The following IGF2BP3 variants were observed in gnomAD, a reference collection of about 807,000 sequenced individuals.
IGF2BP3 encodes the protein insulin like growth factor 2 mRNA binding protein 3.
In IGF2BP3, 9 loss-of-function variants were observed where a neutral mutation model predicts 73.8. The ratio of observed to expected loss-of-function variants is 0.12; its 90% CI spans 0.07 to 0.21. IGF2BP3 has a LOEUF of 0.21. Ranked by LOEUF, IGF2BP3 falls within the 10% of genes least tolerant of loss-of-function variation. The pLI is 1.00. For missense variants in IGF2BP3, 542 were observed against 714.0 expected (o/e 0.76, Z 2.75); for synonymous variants, 258 against 256.7 (o/e 1.01, Z -0.05).
chr7:23,411,905 G>A lies in IGF2BP3; in HGVS notation c.285+6871C>T, dbSNP rs945564399. On this transcript the variant is annotated intron_variant, in intron 3 of 14. Coordinates refer to ENST00000258729, the MANE Select transcript of IGF2BP3 (RefSeq NM_006547.3). ...TTTATATTAACTATGGTATTGTTTC[G>A]TTTTTCCTCCAGACTAGATAACATG... 5.7e-4 allele frequency among the ~76,000 whole-genome samples: 84 copies of A among 147,464 alleles called. 1 individual carries two copies. The highest frequency in any genetic ancestry group is 2.0e-3 in the African/African-American group (80 of 39,936).
chr7:23,333,646 G>T (rs1784496072), intron 10 of IGF2BP3, among the ~76,000 whole-genome samples: 1 of 152,148 alleles, frequency 6.6e-6, no homozygotes, highest in Non-Finnish European at 1.5e-5. Context: ...CATACATGAA[G>T]AATCAATGTG....
intron 2 of IGF2BP3, among the ~76,000 whole-genome samples, chr7:23,435,232 G>A (rs1248449025): frequency 7.6e-6 from 1 of 130,814 alleles, no homozygotes; most frequent in Non-Finnish European, 1.6e-5. Context: ...GGCGGAGGTT[G>A]CAGTGAACAA....
intron 3 of IGF2BP3, among the ~76,000 whole-genome samples, chr7:23,418,216 A>G (rs756385923): frequency 1.3e-5 from 2 of 152,178 alleles, no homozygotes; most frequent in Admixed American, 6.5e-5. Flanking sequence ...TGAAGAGTCA[A>G]AAGACATTTT....
intron 2 of IGF2BP3, among the ~76,000 whole-genome samples, chr7:23,452,227 A>G (rs1788217672): frequency 6.6e-6 from 1 of 151,848 alleles, no homozygotes; most frequent in African/African-American, 2.4e-5. Flanking sequence ...GATGGTCTCA[A>G]TCTCCTAACC....
chr7:23,411,072 G>A (rs1455727006), intron 3 of IGF2BP3, among the ~76,000 whole-genome samples: 1 of 152,162 alleles, frequency 6.6e-6, no homozygotes, highest in East Asian at 1.9e-4. Context: ...CACCTACCGA[G>A]AACATGCAGT....
intron 2 of IGF2BP3, among the ~76,000 whole-genome samples, chr7:23,446,921 T>C (rs1293116445): frequency 6.6e-6 from 1 of 152,090 alleles, no homozygotes; most frequent in Non-Finnish European, 1.5e-5. Context: ...CCTCACCTGG[T>C]GCCAGGCACG....
chr7:23,401,582 C>T (rs975451744), intron 3 of IGF2BP3, among the ~76,000 whole-genome samples: 13 of 151,270 alleles, frequency 8.6e-5, no homozygotes, highest in African/African-American at 2.2e-4. Context: ...CTGGCCATCA[C>T]GGTGAAACCC....
At chr7:23,318,653 C>G (rs373289384) in intron 11 of IGF2BP3, among the ~76,000 whole-genome samples, 1 of 152,236 alleles carries the variant, frequency 6.6e-6, no homozygotes, top group Admixed American at 6.5e-5. Flanking sequence ...GTTTAGCTGA[C>G]TGTGCATAGC....
intron 2 of IGF2BP3, among the ~76,000 whole-genome samples, chr7:23,419,635 T>G (rs1438582632): frequency 6.6e-6 from 1 of 152,190 alleles, no homozygotes; most frequent in Non-Finnish European, 1.5e-5. Context: ...GTGGATCACT[T>G]GAGGTCTGGA....
intron 3 of IGF2BP3, among the ~76,000 whole-genome samples, chr7:23,418,406 G>T (rs1299577784): frequency 2.0e-5 from 3 of 152,236 alleles, no homozygotes; most frequent in Non-Finnish European, 2.9e-5. Context: ...TAAAGTAACA[G>T]CACAAAATAG....
intron 3 of IGF2BP3, among the ~76,000 whole-genome samples, chr7:23,404,240 A>C (rs1786758892): frequency 6.6e-6 from 1 of 152,232 alleles, no homozygotes; most frequent in Non-Finnish European, 1.5e-5. Flanking sequence ...AAGGCAGAGT[A>C]CTAAAGAGAA....
At chr7:23,394,205 C>A (rs1293174637) in intron 3 of IGF2BP3, among the ~76,000 whole-genome samples, 1 of 152,178 alleles carries the variant, frequency 6.6e-6, no homozygotes, top group Non-Finnish European at 1.5e-5. Context: ...ATCAGCAAGA[C>A]TTTTTAACAC....
In IGF2BP3 at chr7:23,468,499, C is replaced by A. The variant is rs1221129734; in HGVS notation, c.219G>T (p.Ser73=). Residue 73 remains serine, a synonymous_variant, in exon 2 of 15, where the codon TCG becomes TCT. Transcript: ENST00000258729. ...LHGKPIEVEH[S]VPKRQRIRKL... ...CAGCTCACCTTTGCCTTTTTGGGAC[C>A]GAGTGCTCAACTTCTATGGGTTTCC... The A allele has an allele frequency of 5.0e-6, 8 of 1,614,086 alleles. No homozygotes were observed. In the Admixed American group the frequency reaches 1.2e-4, roughly 24 times the overall value.
At position 23,351,378 on chromosome 7, in the gene IGF2BP3, T is replaced by C. The variant is rs773927629; in HGVS notation, c.610A>G (p.Thr204Ala). The stretch of plus-strand genomic sequence containing the variant: ...CCTATGATGGCTCCAACAAATTGGG[T>C]GGGAACCAGCAGGCGCAGAGGCAAA... ...CDLPLRLLVPTQFVGAIIGKE... is the reference protein window; with the variant it reads ...CDLPLRLLVPAQFVGAIIGKE... Residue 204 changes from threonine (T) to alanine (A), a missense_variant, in exon 6 of 15, where the codon ACC becomes GCC. By Grantham distance (58) the Thr-to-Ala change is moderately conservative. Around this residue, in one of 2 missense-constraint regions of IGF2BP3, gnomAD observed 303 missense variants for 472.1 expected, o/e 0.64. Transcript: ENST00000258729. 5.6e-6 allele frequency: 9 copies of C among 1,613,850 alleles called. No homozygotes were observed. In the East Asian group the frequency reaches 1.3e-4, roughly 24 times the overall value.
At chr7:23,361,442 C>A (rs1785225621) in intron 5 of IGF2BP3, 92 bp downstream of exon 5, 1 of 981,926 alleles carries the variant, frequency 1.0e-6, no homozygotes, top group Admixed American at 2.1e-5. Context: ...TCTCTGCCAC[C>A]TACCAGCCCT....
chr7:23,328,595 A>G (rs941476844), intron 10 of IGF2BP3, among the ~76,000 whole-genome samples: 1 of 152,232 alleles, frequency 6.6e-6, no homozygotes. Context: ...CTATTTTCCA[A>G]TAAAATTGAA....
chr7:23,439,607 A>T (rs908382229), intron 2 of IGF2BP3, among the ~76,000 whole-genome samples: 2 of 151,922 alleles, frequency 1.3e-5, no homozygotes, highest in Admixed American at 1.3e-4. Flanking sequence ...CCTTATGATA[A>T]TGTAGGTTGT....
At position 23,469,936 on chromosome 7, in the gene IGF2BP3, C is replaced by G; in HGVS notation, c.175G>C (p.Gly59Arg). The stretch of plus-strand genomic sequence containing the variant: ...CGGGTGGGGCCAGGCCCGGGCCCAC[C>G]TGAAAGCGCCTCGATGGCCTTGAGG... ...WALKAIEALS[G>R]KIELHGKPIE... Residue 59 changes from glycine (G) to arginine (R), a missense_variant and splice_region_variant, in exon 1 of 15, where the codon GGT becomes CGT. Physicochemically the swap from Gly to Arg is moderately radical, Grantham distance 125. Transcript: ENST00000258729. The surrounding 1 kb of genome is among the most constrained non-coding windows in gnomAD (Gnocchi z 6.1). The G allele has an allele frequency of 6.2e-7, 1 of 1,607,966 alleles. No individual in the cohort carries two copies. The highest frequency in any genetic ancestry group is 1.8e-4 in the Middle Eastern group (1 of 5,412).
chr7:23,414,279 G>C (rs986413808), intron 3 of IGF2BP3: 1 of 152,186 alleles, frequency 6.6e-6, no homozygotes. Context: ...AAAGCTGCTT[G>C]ACACAGCATG....
Sources: gnomAD v4.1 joint callset for allele counts (sites outside exome capture counted in the v4.1 genomes callset) on GRCh38, gnomAD v4.1.1 for gene constraint, gnomAD v4.1.1 regional missense constraint, Gnocchi (gnomAD v3.1) non-coding constraint, MANE v1.5 for transcripts, NCBI Gene and HGNC (gene_info 2026-07-23, HGNC 2026-07-21) for gene names.